DDX31: variants seen among roughly 807,000 people sequenced by gnomAD.
DDX31 encodes ATP-dependent DNA helicase DDX31.
In DDX31, 70 loss-of-function variants were observed where a neutral mutation model predicts 91.3. The ratio of observed to expected loss-of-function variants is 0.77; its 90% CI spans 0.63 to 0.94. The LOEUF (loss-of-function observed/expected upper bound fraction) is 0.94. Among genes scored for constraint, DDX31 ranks in the 40% least tolerant of loss-of-function variants. The pLI is 0.00. For synonymous variants in DDX31, 362 were observed against 350.6 expected, an observed-to-expected ratio of 1.03 and a Z score of -0.36; for missense variants, 902 against 925.0, an observed-to-expected ratio of 0.98 and a Z score of 0.32.
At position 132,648,509 on chromosome 9, in the gene DDX31, G is replaced by C; in HGVS notation, c.783C>G (p.Arg261=). The change falls in exon 10 of 20, where the codon CGC becomes CGG. Residue 261 remains arginine (R), a synonymous_variant. Transcript: ENST00000372159. The part of the protein sequence containing the change: ...GINILISTPG[R]LVDHIKSTKN... ...TTGTGGATTTTATATGATCCACCAGGCGTCCAGGAGTTGAGATAAGGATAT... is the reference window on the plus strand; with the variant it reads ...TTGTGGATTTTATATGATCCACCAGCCGTCCAGGAGTTGAGATAAGGATAT... 6.2e-7 allele frequency: 1 copy of C among 1,613,768 alleles called. No homozygotes were observed. The highest frequency in any genetic ancestry group is 8.5e-7 in the Non-Finnish European group (1 of 1,179,914).
intron 17 of DDX31, among the ~76,000 whole-genome samples, chr9:132,623,551 C>CAAAAAAAAAAAA (rs34868804): frequency 3.8e-4 from 25 of 65,964 alleles, no homozygotes; most frequent in Non-Finnish European, 4.0e-4. Flanking sequence ...GACTCCATCT[C>CAAAAAAAAAAAA]AAAAAAAAAA....
chr9:132,605,851 C>T (rs558258302), intron 19 of DDX31, among the ~76,000 whole-genome samples: 6 of 152,116 alleles, frequency 3.9e-5, no homozygotes, highest in South Asian at 2.1e-4. Flanking sequence ...CACAGCCTAA[C>T]GGGATGCCAC....
At position 132,610,646 on chromosome 9, in the gene DDX31, T is replaced by TC. The variant is rs564525884; in HGVS notation, c.1994+1440dup. Among the ~76,000 whole-genome samples the TC allele has an allele frequency of 1.6e-4, 24 of 152,038 alleles. 1 individual carries two copies. Among genetic ancestry groups the TC allele is most frequent in the East Asian group, 1.5e-3 (8 of 5,184 alleles). On this transcript the variant is annotated intron_variant, in intron 19 of 19. Coordinates refer to ENST00000372159, the MANE Select transcript of DDX31 (RefSeq NM_022779.9). ...ACAAGTCACCTCATCTTTTTTTTTT[T>TC]CTGTAGAGACAGGGTCTCGCTATGT...
intron 7 of DDX31, among the ~76,000 whole-genome samples, chr9:132,651,856 C>G (rs1178205062): frequency 2.0e-5 from 3 of 152,076 alleles, no homozygotes; most frequent in Non-Finnish European, 4.4e-5. Flanking sequence ...TTGGACTGAG[C>G]TGAGATAGGG....
At position 132,594,915 on chromosome 9, in the gene DDX31, T is replaced by A. The variant is rs758000606; in HGVS notation, c.2192A>T (p.Lys731Ile). Residue 731 changes from lysine to isoleucine, a missense_variant, in exon 20 of 20, where the codon AAA becomes ATA. Physicochemically the swap from Lys to Ile is moderately radical, Grantham distance 102. Coordinates refer to ENST00000372159, the MANE Select transcript of DDX31 (RefSeq NM_022779.9). Reference sequence around the variant, plus strand: ...GTCCCGCTGTACACCTTTTTGGGTTTTTCTCCATTTTAATGTTTTCCCACG... The same window carrying A: ...GTCCCGCTGTACACCTTTTTGGGTTATTCTCCATTTTAATGTTTTCCCACG... ...FGRGKTLKWR[K>I]TQKGVQRDSK... 6.2e-7 allele frequency: 1 copy of A among 1,614,098 alleles called. No individual in the cohort carries two copies. The highest frequency in any genetic ancestry group is 8.5e-7 in the Non-Finnish European group (1 of 1,180,034).
At chr9:132,603,925 C>T (rs924025629) in intron 19 of DDX31, among the ~76,000 whole-genome samples, 17 of 152,004 alleles carry the variant, frequency 1.1e-4, no homozygotes, top group Non-Finnish European at 1.8e-4. Context: ...GTTTGTTCCA[C>T]GAGGAAGCAG....
intron 17 of DDX31, among the ~76,000 whole-genome samples, chr9:132,619,282 T>C (rs306568): frequency 0.28 from 42,614 of 152,118 alleles, 6,202 homozygotes; most frequent in East Asian, 0.54. Context: ...CTACTGAATG[T>C]GAAATCAAGA....
chr9:132,615,439 C>T (rs550357178), intron 18 of DDX31, among the ~76,000 whole-genome samples: 5 of 152,238 alleles, frequency 3.3e-5, no homozygotes, highest in South Asian at 4.1e-4. Flanking sequence ...GCGACAACTA[C>T]GGAAAGGATG....
chr9:132,611,861 C>T (rs954042669), intron 19 of DDX31, among the ~76,000 whole-genome samples: 8 of 152,004 alleles, frequency 5.3e-5, no homozygotes, highest in African/African-American at 1.7e-4. Context: ...ACTGAAGCTC[C>T]GACTACGTTT....
At chr9:132,659,391 C>G (rs1301668106) in intron 5 of DDX31, among the ~76,000 whole-genome samples, 1 of 152,174 alleles carries the variant, frequency 6.6e-6, no homozygotes, top group African/African-American at 2.4e-5. Context: ...TGTTTAACAC[C>G]AGAAGAAGAC....
chr9:132,617,835 CT>C (rs1831743674), intron 18 of DDX31, among the ~76,000 whole-genome samples: 1 of 152,214 alleles, frequency 6.6e-6, no homozygotes, highest in Admixed American at 6.5e-5. Flanking sequence ...ACACCTCTCT[CT>C]TTCATAAATT....
At position 132,618,323 on chromosome 9, in the gene DDX31, G is replaced by T; in HGVS notation, c.1825+7C>A. ...CCACTGCGCAAGCACCTAGGAAATC[G>T]ACTGACCTTTCTTTGCCCAGGAGAC... On this transcript the variant is annotated splice_region_variant and intron_variant, in intron 18 of 19. Transcript: ENST00000372159. The T allele has an allele frequency of 6.2e-7, 1 of 1,606,230 alleles. No individual in the cohort carries two copies. Among genetic ancestry groups the T allele is most frequent in the South Asian group, 1.1e-5 (1 of 89,222 alleles).
rs567262672 is a variant in DDX31 at position 132,620,583 on chromosome 9, A to G, written c.1714-2142T>C. Among the ~76,000 whole-genome samples the G allele has an allele frequency of 9.2e-5, 14 of 151,588 alleles. No homozygotes were observed. The East Asian group carries it at 1.7e-3, about 19-fold the overall frequency. On this transcript the variant is annotated intron_variant, in intron 17 of 19. Transcript: ENST00000372159. ...AATGGCAGAAAAAAATATATACAAT[A>G]CTTAGGAAAAAAAAAATCTTACTCC...
rs1490017478 is a variant in DDX31, at chr9:132,594,196, TGAGA to T, written c.*666_*669del. The T allele has an allele frequency of 1.7e-4, 26 of 152,190 alleles. No individual in the cohort carries two copies. The highest frequency in any genetic ancestry group is 1.9e-4 in the East Asian group (1 of 5,188). 9.4% of individuals were successfully genotyped at this position (152,190 alleles called of 1,614,324 possible). A position where few individuals can be genotyped will look rare whatever the true frequency, so the allele number is the denominator to read the frequency against. On this transcript the variant is annotated 3_prime_UTR_variant, in exon 20 of 20. Transcript: ENST00000372159. ...AAGCCAACAGTAAATCAATTAGCCC[TGAGA>T]GAGTGAGTTTTCAGTGGACATGAAA...
At chr9:132,641,370 G>C (rs1330622394) in intron 14 of DDX31, among the ~76,000 whole-genome samples, 1 of 152,240 alleles carries the variant, frequency 6.6e-6, no homozygotes, top group African/African-American at 2.4e-5. Context: ...AGATGGAACA[G>C]AGAAGGCATT....
intron 6 of DDX31, among the ~76,000 whole-genome samples, chr9:132,656,512 T>A (rs1834577179): frequency 6.6e-6 from 1 of 151,978 alleles, no homozygotes; most frequent in African/African-American, 2.4e-5. Flanking sequence ...ACACTGCACA[T>A]GCATTAGCTC....
At chr9:132,658,278 C>T in intron 6 of DDX31, 2 of 703,160 alleles carry the variant, frequency 2.8e-6, no homozygotes. Context: ...TCCAGTTCCT[C>T]CATTACTTGC....
At chr9:132,646,286 G>A (rs1833836121) in intron 12 of DDX31, among the ~76,000 whole-genome samples, 2 of 152,142 alleles carry the variant, frequency 1.3e-5, no homozygotes, top group African/African-American at 2.4e-5. Context: ...TTTCAAACAG[G>A]TTTCCCTTAT....
rs1239062127 is a variant in DDX31 at position 132,593,902 on chromosome 9, CCTCCAACCCTTT to C, written c.*952_*963del. On this transcript the variant is annotated 3_prime_UTR_variant, in exon 20 of 20. Coordinates refer to ENST00000372159, the MANE Select transcript of DDX31 (RefSeq NM_022779.9). The stretch of plus-strand genomic sequence containing the variant: ...GGAGCGGTGCCCACAGGTGTGGAGG[CCTCCAACCCTTT>C]CTCTTCTGGACCCCTCTGCAAGTGC... 1 of 152,200 alleles carries C rather than the reference CCTCCAACCCTTT, an allele frequency of 6.6e-6. No individual in the cohort carries two copies. Among genetic ancestry groups the C allele is most frequent in the East Asian group, 1.9e-4 (1 of 5,174 alleles). The allele number at this position is 152,200 out of a possible 1,614,324, so 9.4% of individuals were successfully genotyped here.
Sources: allele counts gnomAD v4.1 joint callset (sites outside exome capture counted in the v4.1 genomes callset), GRCh38; gene constraint gnomAD v4.1.1; transcripts MANE v1.5; gene names NCBI Gene and HGNC (gene_info 2026-07-23, HGNC 2026-07-21).